BNIP2: variants seen among roughly 807,000 people sequenced by gnomAD.
BNIP2 encodes the protein BCL2 interacting protein 2.
Under a neutral mutation model 43.4 loss-of-function variants are expected in BNIP2, and 36 were observed. The ratio of observed to expected loss-of-function variants is 0.83; its 90% CI spans 0.64 to 1.10. The LOEUF (loss-of-function observed/expected upper bound fraction) is 1.10. Ranked by LOEUF, BNIP2 falls within the 50% of genes least tolerant of loss-of-function variation. The pLI is 0.00. For synonymous variants in BNIP2, 146 were observed against 121.0 expected, an observed-to-expected ratio of 1.21 and a Z score of -1.35; for missense variants, 417 against 374.1, an observed-to-expected ratio of 1.11 and a Z score of -0.95.
chr15:59,677,573 T>C lies in BNIP2; in HGVS notation c.472+338A>G, dbSNP rs537592495. The stretch of plus-strand genomic sequence containing the variant: ...GGAGACCTTAAGAATTTTGACACAG[T>C]ATGTCAAAAGTAATGTCAGCAAAGA... On this transcript the variant is annotated intron_variant, in intron 5 of 9. Transcript: ENST00000607373. 1.2e-4 allele frequency among the ~76,000 whole-genome samples: 18 copies of C among 152,334 alleles called. No individual in the cohort carries two copies. The East Asian group carries it at 3.3e-3, about 28-fold the overall frequency.
At position 59,678,073 on chromosome 15, in the gene BNIP2, G is replaced by A; in HGVS notation, c.310C>T (p.Pro104Ser). ...TTCCTAATTACTTCAGTAGTCTTGGGTTTTGGAAGATCATCTGTCAAAATA... is the reference window on the plus strand; with the variant it reads ...TTCCTAATTACTTCAGTAGTCTTGGATTTTGGAAGATCATCTGTCAAAATA... ...EFEWEDDLPK[P>S]KTTEVIRKGS... is the part of the protein sequence containing the mutation. Residue 104 changes from proline to serine, a missense_variant, in exon 5 of 10, where the codon CCC becomes TCC. Physicochemically the swap from Pro to Ser is moderately conservative, Grantham distance 74. Coordinates refer to ENST00000607373, the MANE Select transcript of BNIP2 (RefSeq NM_004330.4). 1.3e-6 allele frequency: 2 copies of A among 1,599,170 alleles called. No individual in the cohort carries two copies. Among genetic ancestry groups the A allele is most frequent in the Non-Finnish European group, 1.7e-6 (2 of 1,176,196 alleles).
chr15:59,665,876 C>A (rs1362386000), intron 9 of BNIP2, among the ~76,000 whole-genome samples: 1 of 152,090 alleles, frequency 6.6e-6, no homozygotes, highest in Non-Finnish European at 1.5e-5. Context: ...CATTACTATG[C>A]CCACCTGAAT....
chr15:59,673,127 T>C (rs1437482160), intron 5 of BNIP2, among the ~76,000 whole-genome samples: 1 of 152,006 alleles, frequency 6.6e-6, no homozygotes, highest in Non-Finnish European at 1.5e-5. Context: ...GGGTGCTTTT[T>C]TTTTTTTTTT....
rs189750598 is a variant in BNIP2, at chr15:59,663,542, T to G, written c.*527A>C. The G allele has an allele frequency of 1.3e-5, 2 of 152,774 alleles. No individual in the cohort carries two copies. Among genetic ancestry groups the G allele is most frequent in the Admixed American group, 1.3e-4 (2 of 15,294 alleles). 9.5% of individuals were successfully genotyped at this position (152,774 alleles called of 1,614,324 possible). A position where few individuals can be genotyped will look rare whatever the true frequency, so the allele number is the denominator to read the frequency against. ...GTATTCATGACAATCAGTTTAACCA[T>G]CTGTTGCCTTATGAAAAACTTAATT... On this transcript the variant is annotated 3_prime_UTR_variant, in exon 10 of 10. Coordinates refer to ENST00000607373, the MANE Select transcript of BNIP2 (RefSeq NM_004330.4).
rs1233380816 is a variant in BNIP2, at chr15:59,660,190, C to T, written c.*3879G>A. 2.0e-5 allele frequency: 3 copies of T among 152,210 alleles called. No homozygotes were observed. Among genetic ancestry groups the T allele is most frequent in the Non-Finnish European group, 4.4e-5 (3 of 68,036 alleles). 9.4% of individuals were successfully genotyped at this position (152,210 alleles called of 1,614,324 possible). ...ACAATTCCTATGACCTATAACAAGACCAGACCTATTTTAACAGCAAAATAG... is the reference window on the plus strand; with the variant it reads ...ACAATTCCTATGACCTATAACAAGATCAGACCTATTTTAACAGCAAAATAG... On this transcript the variant is annotated 3_prime_UTR_variant, in exon 10 of 10. Transcript: ENST00000607373.
chr15:59,669,167 A>C (rs1442475039), intron 8 of BNIP2, 109 bp downstream of exon 8: 57 of 1,002,234 alleles, frequency 5.7e-5, no homozygotes, highest in Non-Finnish European at 8.2e-5. Context: ...ATGTATACAC[A>C]TATCAAAATA....
chr15:59,680,382 A>C (rs1893592199), intron 2 of BNIP2, 74 bp from the exon 3 acceptor site: 1 of 1,083,692 alleles, frequency 9.2e-7, no homozygotes, highest in East Asian at 2.6e-5. Flanking sequence ...TCTATTAAAC[A>C]TACAGCTTAT....
chr15:59,668,732 AT>A, intron 9 of BNIP2, 159 bp downstream of exon 9: 1 of 575,860 alleles, frequency 1.7e-6, no homozygotes, highest in Non-Finnish European at 2.9e-6. Flanking sequence ...GTGTGGGAAA[AT>A]GGCTTCTTCC....
At chr15:59,678,832 T>C in intron 4 of BNIP2, 1 of 1,303,212 alleles carries the variant, frequency 7.7e-7, no homozygotes, top group Non-Finnish European at 1.0e-6. Flanking sequence ...TTCCAGGAAA[T>C]GACTACAGCA....
chr15:59,679,802 C>G, intron 3 of BNIP2, 34 bp from the exon 4 acceptor site: 1 of 1,445,112 alleles, frequency 6.9e-7, no homozygotes, highest in Non-Finnish European at 9.1e-7. Flanking sequence ...AGATACGTAA[C>G]AAGGAATGCT....
rs1433574032 is a variant in BNIP2 at position 59,676,847 on chromosome 15, C to CTCAGG, written c.472+1063_472+1064insCCTGA. ...CTTCCCTTCCTGCCGGGAATTCTGC[C>CTCAGG]TCAGCTGCCCTGGGCTCTCGCTGCG... On this transcript the variant is annotated intron_variant, in intron 5 of 9. Coordinates refer to ENST00000607373, the MANE Select transcript of BNIP2 (RefSeq NM_004330.4). 3.8e-6 allele frequency: 6 copies of CTCAGG among 1,567,338 alleles called. No homozygotes were observed. The East Asian group carries it at 1.4e-4, about 37-fold the overall frequency.
intron 4 of BNIP2, chr15:59,679,315 T>C (rs1893503528): frequency 3.6e-6 from 1 of 279,232 alleles, no homozygotes; most frequent in South Asian, 4.9e-5. Flanking sequence ...TCTTCAAAAG[T>C]TTCTTACTTG....
chr15:59,688,131 A>G (rs1378925717), intron 1 of BNIP2, among the ~76,000 whole-genome samples: 1 of 152,218 alleles, frequency 6.6e-6, no homozygotes. Context: ...GCTGCACTAG[A>G]GAATATGAAG....
In BNIP2 at chr15:59,667,244, A is replaced by G. The variant is rs544725962; in HGVS notation, c.893+1648T>C. On this transcript the variant is annotated intron_variant, in intron 9 of 9. Transcript: ENST00000607373. ...ATCAACAGAAACAAAATGTGTTCAA[A>G]GTTAAGAATGTTCCAGTTAGTTACA... is the stretch of plus-strand genomic sequence containing the variant. Among the ~76,000 whole-genome samples, 3 of 152,342 alleles carry G rather than the reference A, an allele frequency of 2.0e-5. No individual in the cohort carries two copies. The South Asian group carries it at 6.2e-4, about 32-fold the overall frequency.
chr15:59,672,633 T>G lies in BNIP2; in HGVS notation c.575+4A>C, dbSNP rs766873046. 3 of 1,604,264 alleles carry G rather than the reference T, an allele frequency of 1.9e-6. No homozygotes were observed. Among genetic ancestry groups the G allele is most frequent in the Non-Finnish European group, 2.6e-6 (3 of 1,171,698 alleles). Reference sequence around the variant, plus strand: ...CCAAATGTTTTTGTTTAATATATACTTACTTAAAAAGATTGTCCATCAGGT... The same window carrying G: ...CCAAATGTTTTTGTTTAATATATACGTACTTAAAAAGATTGTCCATCAGGT... On this transcript the variant is annotated splice_donor_region_variant and intron_variant, in intron 6 of 9. Coordinates refer to ENST00000607373, the MANE Select transcript of BNIP2 (RefSeq NM_004330.4).
At position 59,661,529 on chromosome 15, in the gene BNIP2, G is replaced by C. The variant is rs188256255; in HGVS notation, c.*2540C>G. On this transcript the variant is annotated 3_prime_UTR_variant, in exon 10 of 10. Transcript: ENST00000607373. ...AAGATTGTTAAGCTTAAATTGTGGG[G>C]TGAATAGAACGTCTTCCCTTGGTGC... The C allele has an allele frequency of 8.6e-4, 131 of 152,120 alleles. No homozygotes were observed. Among genetic ancestry groups the C allele is most frequent in the African/African-American group, 3.0e-3 (124 of 41,486 alleles). 9.4% of individuals were successfully genotyped at this position (152,120 alleles called of 1,614,324 possible).
At chr15:59,677,105 C>T in intron 5 of BNIP2, 1 of 1,607,288 alleles carries the variant, frequency 6.2e-7, no homozygotes, top group East Asian at 2.2e-5. Context: ...TAGAAATGGG[C>T]AAGGTCAAGG....
intron 2 of BNIP2, among the ~76,000 whole-genome samples, chr15:59,680,812 T>C (rs1236032958): frequency 6.6e-6 from 1 of 152,158 alleles, no homozygotes; most frequent in Non-Finnish European, 1.5e-5. Context: ...GATATTGCTA[T>C]GTTGCCCAGG....
chr15:59,664,968 A>C (rs1464160995), intron 9 of BNIP2, among the ~76,000 whole-genome samples: 1 of 152,246 alleles, frequency 6.6e-6, no homozygotes, highest in Non-Finnish European at 1.5e-5. Context: ...AGAAGCCTTA[A>C]GAATTTAACA....
Sources: allele counts gnomAD v4.1 joint callset (sites outside exome capture counted in the v4.1 genomes callset), GRCh38; gene constraint gnomAD v4.1.1; transcripts MANE v1.5; gene names NCBI Gene and HGNC (gene_info 2026-07-23, HGNC 2026-07-21).